The following INPP4B variants were observed in gnomAD, a reference collection of about 807,000 sequenced individuals.
INPP4B encodes inositol polyphosphate 4-phosphatase type II.
A neutral mutation model predicts 122.5 loss-of-function variants in INPP4B; 55 were observed. The observed-to-expected ratio is 0.45, with a 90% CI of 0.36 to 0.56. INPP4B has a LOEUF of 0.56. Ranked by LOEUF, INPP4B falls within the 20% of genes least tolerant of loss-of-function variation. The pLI is 0.00. For synonymous variants in INPP4B, 403 were observed against 388.7 expected (o/e 1.04, Z -0.43); for missense variants, 1,000 against 1,097.7 (o/e 0.91, Z 1.26).
At chr4:142,624,005 C>T (rs551687274) in intron 2 of INPP4B, among the ~76,000 whole-genome samples, 222 of 152,112 alleles carry the variant, frequency 1.5e-3, no homozygotes, top group Non-Finnish European at 2.6e-3. Context: ...TCTTTGCTAT[C>T]GTGAATACTG....
At chr4:142,242,846 GT>G (rs955626336) in intron 11 of INPP4B, among the ~76,000 whole-genome samples, 11 of 152,108 alleles carry the variant, frequency 7.2e-5, no homozygotes, top group African/African-American at 2.7e-4. Context: ...CTGTTTAGTG[GT>G]CCATGTCTCC....
intron 1 of INPP4B, among the ~76,000 whole-genome samples, chr4:142,802,440 C>T (rs993483430): frequency 6.6e-6 from 1 of 152,066 alleles, no homozygotes. Flanking sequence ...ATGAGAGTCC[C>T]AAAGATGGCC....
intron 2 of INPP4B, among the ~76,000 whole-genome samples, chr4:142,529,836 G>A (rs955401788): frequency 1.3e-5 from 2 of 152,010 alleles, no homozygotes; most frequent in East Asian, 1.9e-4. Flanking sequence ...GAGAATGTTT[G>A]TTTAGGAAGC....
intron 1 of INPP4B, among the ~76,000 whole-genome samples, chr4:142,799,733 T>G (rs1348051758): frequency 3.3e-5 from 5 of 151,876 alleles, no homozygotes. Context: ...TAATAGTGCA[T>G]CTAGTGTATC....
At chr4:142,713,000 G>A (rs1175785632) in intron 2 of INPP4B, among the ~76,000 whole-genome samples, 8 of 152,278 alleles carry the variant, frequency 5.3e-5, no homozygotes, top group Non-Finnish European at 1.0e-4. Flanking sequence ...CCTAAGGAAA[G>A]GAAAGAAATG....
chr4:142,555,635 G>A (rs1038784556), intron 2 of INPP4B, among the ~76,000 whole-genome samples: 1 of 152,030 alleles, frequency 6.6e-6, no homozygotes, highest in African/African-American at 2.4e-5. Flanking sequence ...TTGGGAGGCC[G>A]AGGCGGGTGG....
chr4:142,770,058 G>A (rs1772798158), intron 1 of INPP4B, among the ~76,000 whole-genome samples: 1 of 152,180 alleles, frequency 6.6e-6, no homozygotes, highest in Non-Finnish European at 1.5e-5. Flanking sequence ...AAGACCAACT[G>A]TAGCTCTTTG....
chr4:142,643,563 T>C (rs1357298114), intron 2 of INPP4B, among the ~76,000 whole-genome samples: 6 of 152,288 alleles, frequency 3.9e-5, no homozygotes, highest in South Asian at 2.1e-4. Context: ...GAAAGCTTTT[T>C]GTTTTATGAA....
rs1164629413 is a variant in INPP4B, at chr4:142,143,373, G to T, written c.1720+2467C>A. 4.0e-5 allele frequency among the ~76,000 whole-genome samples: 6 copies of T among 151,060 alleles called. No homozygotes were observed. In the South Asian group the frequency reaches 6.3e-4, roughly 16 times the overall value. The stretch of plus-strand genomic sequence containing the variant: ...ATAAGCATCTGTACTGAGATATTAG[G>T]TAATCACAGTGTGATTCTCCCTTTA... On this transcript the variant is annotated intron_variant, in intron 18 of 25. Transcript: ENST00000262992.
At chr4:142,373,189 T>C (rs1236866510) in intron 7 of INPP4B, among the ~76,000 whole-genome samples, 1 of 152,038 alleles carries the variant, frequency 6.6e-6, no homozygotes. Flanking sequence ...TGTCATAAAT[T>C]CTATTTTTGC....
intron 9 of INPP4B, among the ~76,000 whole-genome samples, chr4:142,297,812 C>T (rs1030611634): frequency 4.6e-5 from 7 of 152,150 alleles, no homozygotes; most frequent in African/African-American, 1.7e-4. Flanking sequence ...GTTAAGCAAG[C>T]AAACCAAGCC....
chr4:142,475,785 A>C (rs1819694309), intron 2 of INPP4B, among the ~76,000 whole-genome samples: 1 of 152,178 alleles, frequency 6.6e-6, no homozygotes, highest in Non-Finnish European at 1.5e-5. Context: ...ACTCAGACAA[A>C]AAACAAACAA....
chr4:142,194,768 A>C (rs1380247489), intron 14 of INPP4B, among the ~76,000 whole-genome samples: 1 of 152,148 alleles, frequency 6.6e-6, no homozygotes, highest in African/African-American at 2.4e-5. Flanking sequence ...CTGATCTGCC[A>C]CTTATTTAAC....
chr4:142,653,920 CAT>C (rs1161965757), intron 2 of INPP4B, among the ~76,000 whole-genome samples: 14 of 152,126 alleles, frequency 9.2e-5, no homozygotes, highest in African/African-American at 3.1e-4. Context: ...CACATGCACA[CAT>C]ATGTTTACTG....
chr4:142,523,757 C>T (rs564416926), intron 2 of INPP4B, among the ~76,000 whole-genome samples: 1 of 149,910 alleles, frequency 6.7e-6, no homozygotes, highest in African/African-American at 2.4e-5. Flanking sequence ...GCTGCACCCA[C>T]TAACTCGTCA....
intron 1 of INPP4B, among the ~76,000 whole-genome samples, chr4:142,737,109 T>C (rs1767048760): frequency 1.3e-5 from 2 of 152,138 alleles, no homozygotes; most frequent in Non-Finnish European, 2.9e-5. Context: ...TGGAAAAAAC[T>C]ACTTTAAAGT....
At chr4:142,601,455 T>C (rs1399595732) in intron 2 of INPP4B, among the ~76,000 whole-genome samples, 2 of 151,500 alleles carry the variant, frequency 1.3e-5, no homozygotes, top group Admixed American at 6.6e-5. Flanking sequence ...TGAACAACTA[T>C]TGGGGCAATA....
intron 2 of INPP4B, among the ~76,000 whole-genome samples, chr4:142,646,205 A>G (rs576899267): frequency 6.6e-6 from 1 of 152,324 alleles, no homozygotes; most frequent in Non-Finnish European, 1.5e-5. Context: ...TGTAAATTAT[A>G]TCTCAATGAA....
At chr4:142,755,797 T>C (rs544344705) in intron 1 of INPP4B, among the ~76,000 whole-genome samples, 105 of 152,216 alleles carry the variant, frequency 6.9e-4, no homozygotes, top group East Asian at 4.4e-3. Context: ...AGAACATTTT[T>C]AGTAGCATAA....
Sources: allele counts gnomAD v4.1 joint callset (sites outside exome capture counted in the v4.1 genomes callset), GRCh38; gene constraint gnomAD v4.1.1; transcripts MANE v1.5; gene names NCBI Gene and HGNC (gene_info 2026-07-23, HGNC 2026-07-21).